The following HEPH variants were observed in gnomAD, a reference collection of about 807,000 sequenced individuals.
HEPH encodes the protein hephaestin.
HEPH carries 69 observed loss-of-function variants against 80.8 expected under a neutral mutation model. The observed-to-expected ratio is 0.85, with a 90% CI of 0.70 to 1.04. The LOEUF (loss-of-function observed/expected upper bound fraction) is 1.04. HEPH is among the 50% of genes least tolerant of loss of function. The pLI is 0.00. For synonymous variants in HEPH, 431 were observed against 322.8 expected, an observed-to-expected ratio of 1.34 and a Z score of -3.60; for missense variants, 1,115 against 891.3, an observed-to-expected ratio of 1.25 and a Z score of -3.20.
At position 66,186,183 on chromosome X, in the gene HEPH, G is replaced by T. The variant is rs1463372022; in HGVS notation, c.626-2176G>T. ...TTGTCTGTGCCCTGCCCCCAGAGGTGGAGCCTACAGAGGCAGGCAGGCCTC... is the reference window on the plus strand; with the variant it reads ...TTGTCTGTGCCCTGCCCCCAGAGGTTGAGCCTACAGAGGCAGGCAGGCCTC... On this transcript the variant is annotated intron_variant, in intron 4 of 20. Transcript: ENST00000343002. 3.2e-5 allele frequency among the ~76,000 whole-genome samples: 3 copies of T among 92,859 alleles called. No homozygotes were observed. In the South Asian group the frequency reaches 1.6e-3, roughly 49 times the overall value. 80.6% of individuals were successfully genotyped at this position (92,859 alleles called of 115,157 possible).
intron 19 of HEPH, among the ~76,000 whole-genome samples, chrX:66,261,034 C>T (rs1285548073): frequency 1.8e-5 from 2 of 112,041 alleles, no homozygotes; most frequent in Non-Finnish European, 3.8e-5. Flanking sequence ...GCCTTGGTCT[C>T]CCAAAGTGCT....
intron 15 of HEPH, among the ~76,000 whole-genome samples, chrX:66,235,125 AC>A (rs1202976429): frequency 9.0e-6 from 1 of 111,312 alleles, no homozygotes; most frequent in Non-Finnish European, 1.9e-5. Context: ...AGTTTGCAAA[AC>A]TTTTTTCAAT....
intron 15 of HEPH, among the ~76,000 whole-genome samples, chrX:66,225,823 GT>G (rs1271673809): frequency 8.9e-6 from 1 of 112,562 alleles, no homozygotes; most frequent in Non-Finnish European, 1.9e-5. Flanking sequence ...TTGCTTCCTG[GT>G]CAAGGAACCA....
chrX:66,228,136 A>G (rs1235577400), intron 15 of HEPH, among the ~76,000 whole-genome samples: 1 of 111,702 alleles, frequency 9.0e-6, no homozygotes, highest in Non-Finnish European at 1.9e-5. Flanking sequence ...TGAAAGTCAC[A>G]TCCCACATGG....
chrX:66,215,833 G>A (rs2089362334), intron 15 of HEPH, among the ~76,000 whole-genome samples: 1 of 112,235 alleles, frequency 8.9e-6, no homozygotes, highest in South Asian at 3.8e-4. Flanking sequence ...GAGGCTTGTA[G>A]CCTGGGGAAA....
At chrX:66,203,724 T>C in intron 13 of HEPH, 147 bp downstream of exon 13, 1 of 482,414 alleles carries the variant, frequency 2.1e-6, no homozygotes, top group Non-Finnish European at 3.5e-6. Flanking sequence ...ATGCAGCTCT[T>C]ATGAATTCTA....
intron 13 of HEPH, among the ~76,000 whole-genome samples, chrX:66,203,829 G>T (rs1223341122): frequency 9.0e-6 from 1 of 111,505 alleles, no homozygotes; most frequent in Admixed American, 9.5e-5. Context: ...CAGTTAGCTG[G>T]AAGTATTTAC....
intron 17 of HEPH, among the ~76,000 whole-genome samples, chrX:66,256,879 CT>C (rs1306525403): frequency 6.3e-5 from 7 of 111,860 alleles, no homozygotes; most frequent in Non-Finnish European, 1.1e-4. Context: ...CAAGGAAGAA[CT>C]TTTTGGTACT....
intron 15 of HEPH, among the ~76,000 whole-genome samples, chrX:66,230,315 G>A (rs1271031874): frequency 1.0e-4 from 10 of 97,497 alleles, no homozygotes; most frequent in Non-Finnish European, 2.0e-5. Context: ...TGGGTCAAAT[G>A]GTATTTCTAG....
chrX:66,189,992 T>C (rs2087705917), intron 6 of HEPH, 54 bp downstream of exon 6: 1 of 1,105,228 alleles, frequency 9.0e-7, no homozygotes, highest in Non-Finnish European at 1.2e-6. Context: ...ATGATAATGG[T>C]CAAGGGAGGC....
chrX:66,233,297 A>G (rs1304438387), intron 15 of HEPH, among the ~76,000 whole-genome samples: 1 of 111,576 alleles, frequency 9.0e-6, no homozygotes, highest in Non-Finnish European at 1.9e-5. Flanking sequence ...GCCTCCTGAA[A>G]GGCATCCATC....
chrX:66,174,333 C>T (rs1199478786), intron 4 of HEPH, among the ~76,000 whole-genome samples: 3 of 111,556 alleles, frequency 2.7e-5, no homozygotes, highest in African/African-American at 6.5e-5. Context: ...CTGCAGATGC[C>T]GTTAATTCAT....
chrX:66,231,021 T>G (rs1324021497), intron 15 of HEPH, among the ~76,000 whole-genome samples: 3 of 108,489 alleles, frequency 2.8e-5, no homozygotes, highest in Non-Finnish European at 5.8e-5. Flanking sequence ...CAGCACCATT[T>G]ATTAAATAGG....
At chrX:66,236,031 T>A (rs951454641) in intron 15 of HEPH, among the ~76,000 whole-genome samples, 3 of 112,081 alleles carry the variant, frequency 2.7e-5, no homozygotes, top group Non-Finnish European at 3.8e-5. Context: ...GTTTTCTAGA[T>A]ATAGGATCAT....
At chrX:66,265,220 A>G (rs1280543900) in intron 20 of HEPH, among the ~76,000 whole-genome samples, 3 of 110,902 alleles carry the variant, frequency 2.7e-5, no homozygotes, top group Admixed American at 9.7e-5. Flanking sequence ...GATGTTGATG[A>G]ACAATCATCA....
At chrX:66,181,732 T>G (rs2087162311) in intron 4 of HEPH, among the ~76,000 whole-genome samples, 2 of 56,193 alleles carry the variant, frequency 3.6e-5, no homozygotes, top group Non-Finnish European at 6.5e-5. Context: ...TTTTGGCTTT[T>G]GTTGCCATTG....
intron 15 of HEPH, among the ~76,000 whole-genome samples, chrX:66,221,485 C>G (rs1341397686): frequency 8.9e-6 from 1 of 112,432 alleles, no homozygotes; most frequent in African/African-American, 3.2e-5. Flanking sequence ...AGATTTTGCC[C>G]AAGGGTTATT....
chrX:66,198,008 TAATC>T (rs2088200054), intron 10 of HEPH, 114 bp downstream of exon 10: 1 of 596,663 alleles, frequency 1.7e-6, no homozygotes, highest in Non-Finnish European at 2.6e-6. Flanking sequence ...AGAAGAAAAA[TAATC>T]AAGCTGGTCC....
At chrX:66,172,705 A>C in intron 3 of HEPH, 106 bp downstream of exon 3, 1 of 890,443 alleles carries the variant, frequency 1.1e-6, no homozygotes, top group Non-Finnish European at 1.5e-6. Flanking sequence ...TTTTCTTCCT[A>C]TTTATCTGAG....
Sources: allele counts gnomAD v4.1 joint callset (sites outside exome capture counted in the v4.1 genomes callset), GRCh38; gene constraint gnomAD v4.1.1; transcripts MANE v1.5; gene names NCBI Gene and HGNC (gene_info 2026-07-23, HGNC 2026-07-21).